RAB5A: variants seen among roughly 807,000 people sequenced by gnomAD.
RAB5A encodes the protein RAB5A, member RAS oncogene family, also known as ras-related protein Rab-5A.
RAB5A carries 8 observed loss-of-function variants against 25.7 expected under a neutral mutation model. The ratio of observed to expected loss-of-function variants is 0.31; its 90% CI spans 0.18 to 0.56. The LOEUF (loss-of-function observed/expected upper bound fraction) is 0.56, where lower values mean the gene tolerates loss of function less well. Among genes scored for constraint, RAB5A ranks in the 20% least tolerant of loss-of-function variants. RAB5A has a pLI of 0.91. For synonymous variants in RAB5A, 98 were observed against 89.8 expected (o/e 1.09, Z -0.52); for missense variants, 192 against 259.7 (o/e 0.74, Z 1.79).
At chr3:19,951,704 T>TTTTTTTTTTC (rs1559485077) in intron 2 of RAB5A, among the ~76,000 whole-genome samples, 1 of 143,218 alleles carries the variant, frequency 7.0e-6, no homozygotes. Context: ...CAGGCAAGTT[T>TTTTTTTTTTC]TTTTTTTTTT....
In RAB5A at chr3:19,975,742, T is replaced by C; in HGVS notation, c.305T>C (p.Ile102Thr). 3.7e-6 allele frequency: 6 copies of C among 1,611,290 alleles called. 1 individual carries two copies. The highest frequency in any genetic ancestry group is 5.1e-6 in the Non-Finnish European group (6 of 1,179,054). Residue 102 changes from isoleucine (I) to threonine (T), a missense_variant, in exon 3 of 6, where the codon ATC (isoleucine) becomes ACC (threonine). Coordinates refer to ENST00000273047, the MANE Select transcript of RAB5A (RefSeq NM_004162.5). ...CAAGCAGCCATAGTTGTATATGATA[T>C]CACAAATGAGGTAAGTATGGATGCA... ...GAQAAIVVYD[I>T]TNEESFARAK...
In RAB5A at chr3:19,969,036, TTTTTTTTGG is replaced by T. The variant is rs758599259; in HGVS notation, c.164-6557_164-6549del. Among the ~76,000 whole-genome samples, 405 of 74,340 alleles carry T rather than the reference TTTTTTTTGG, an allele frequency of 5.4e-3. 8 individuals are homozygous for T. Among genetic ancestry groups the T allele is most frequent in the African/African-American group, 0.033 (318 of 9,630 alleles). 48.8% of individuals were successfully genotyped at this position (74,340 alleles called of 152,430 possible). On this transcript the variant is annotated intron_variant, in intron 2 of 5. Transcript: ENST00000273047. ...ATTGGTGTTTTTTGGTTTTGGTTTTTTTTTTTTGGTTTTTTTTTTTTTTTTGAGATGGAG... is the reference window on the plus strand; with the variant it reads ...ATTGGTGTTTTTTGGTTTTGGTTTTTTTTTTTTTTTTTTTTTGAGATGGAG...
At chr3:19,971,485 T>G (rs1291479772) in intron 2 of RAB5A, among the ~76,000 whole-genome samples, 1 of 151,998 alleles carries the variant, frequency 6.6e-6, no homozygotes, top group Admixed American at 6.6e-5. Flanking sequence ...GTGGTTGTTG[T>G]TTTGAGACAG....
At chr3:19,955,315 G>T (rs6790199) in intron 2 of RAB5A, among the ~76,000 whole-genome samples, 9,704 of 152,092 alleles carry the variant, frequency 0.064, 1,031 homozygotes, top group East Asian at 0.51. Flanking sequence ...CATTCCTCTT[G>T]CTGGTTCTGT....
At chr3:19,957,186 C>T (rs1022267842) in intron 2 of RAB5A, among the ~76,000 whole-genome samples, 4 of 151,862 alleles carry the variant, frequency 2.6e-5, no homozygotes, top group African/African-American at 9.7e-5. Context: ...ACCTCAGCCT[C>T]CCAAGGTGCT....
intron 2 of RAB5A, among the ~76,000 whole-genome samples, chr3:19,954,160 C>G (rs1053033122): frequency 8.4e-4 from 127 of 152,000 alleles, no homozygotes; most frequent in African/African-American, 3.0e-3. Context: ...GATTACAGGC[C>G]CACACCACCA....
chr3:19,984,033 A>G lies in RAB5A; in HGVS notation c.*210A>G, dbSNP rs1696984336. 7.9e-6 allele frequency: 4 copies of G among 509,018 alleles called. No individual in the cohort carries two copies. The highest frequency in any genetic ancestry group is 1.4e-5 in the Non-Finnish European group (4 of 277,772). The allele number at this position is 509,018 out of a possible 1,614,324, so 31.5% of individuals were successfully genotyped here. ...TCACTAATGTTTCAACAATAGGGAA[A>G]AATGAGAACTATGTGGACACTTGTT... On this transcript the variant is annotated 3_prime_UTR_variant, in exon 6 of 6. Transcript: ENST00000273047.
At chr3:19,949,401 T>G (rs555651964) in intron 1 of RAB5A, among the ~76,000 whole-genome samples, 60 of 152,312 alleles carry the variant, frequency 3.9e-4, no homozygotes, top group African/African-American at 1.3e-3. Flanking sequence ...GTTTTTAATA[T>G]AGAGACAGGG....
rs77206848 is a variant in RAB5A at position 19,950,100 on chromosome 3, A to G, written c.-93-706A>G. On this transcript the variant is annotated intron_variant, in intron 1 of 5. Transcript: ENST00000273047. ...GTCTAAAGACTACAAAAAAGTTACAATTATTGTAAGTAAATAAGTCAGTAA... is the reference window on the plus strand; with the variant it reads ...GTCTAAAGACTACAAAAAAGTTACAGTTATTGTAAGTAAATAAGTCAGTAA... Among the ~76,000 whole-genome samples the G allele has an allele frequency of 6.7e-3, 1,024 of 152,314 alleles. 11 individuals are homozygous for G. Among genetic ancestry groups the G allele is most frequent in the African/African-American group, 0.022 (935 of 41,564 alleles).
intron 1 of RAB5A, among the ~76,000 whole-genome samples, chr3:19,948,438 C>G (rs1286109043): frequency 6.6e-6 from 1 of 152,188 alleles, no homozygotes; most frequent in Non-Finnish European, 1.5e-5. Context: ...CAGTGCCTGG[C>G]ACAAAATAAG....
intron 2 of RAB5A, among the ~76,000 whole-genome samples, chr3:19,955,587 T>C (rs978020385): frequency 1.3e-5 from 2 of 152,066 alleles, no homozygotes; most frequent in African/African-American, 4.8e-5. Context: ...GGTGTGGTGT[T>C]TGTCAGATTT....
chr3:19,970,967 C>T (rs184478971), intron 2 of RAB5A, among the ~76,000 whole-genome samples: 9 of 152,028 alleles, frequency 5.9e-5, no homozygotes, highest in African/African-American at 1.9e-4. Flanking sequence ...GAGGCCAAGG[C>T]GGATGGATCA....
chr3:19,965,343 G>A (rs953966534), intron 2 of RAB5A, among the ~76,000 whole-genome samples: 4 of 151,964 alleles, frequency 2.6e-5, no homozygotes, highest in African/African-American at 9.7e-5. Context: ...GATTGCTTGA[G>A]GCCAGGAGTT....
intron 4 of RAB5A, among the ~76,000 whole-genome samples, chr3:19,977,978 G>A (rs17181862): frequency 0.17 from 25,706 of 152,114 alleles, 2,103 homozygotes; most frequent in South Asian, 0.21. Context: ...AAAAATTGCC[G>A]TTGAGATCAA....
chr3:19,971,622 C>T (rs1281195576), intron 2 of RAB5A, among the ~76,000 whole-genome samples: 1 of 152,094 alleles, frequency 6.6e-6, no homozygotes, highest in Non-Finnish European at 1.5e-5. Context: ...CAGGCATGCA[C>T]CACCATGCCT....
chr3:19,973,484 G>A (rs1696780840), intron 2 of RAB5A, among the ~76,000 whole-genome samples: 1 of 151,500 alleles, frequency 6.6e-6, no homozygotes, highest in Non-Finnish European at 1.5e-5. Flanking sequence ...ACTGTCTTAG[G>A]GACTTAATTT....
chr3:19,947,926 A>T (rs1335696227), intron 1 of RAB5A: 1 of 152,284 alleles, frequency 6.6e-6, no homozygotes, highest in Non-Finnish European at 1.5e-5. Context: ...TATCCAGGCG[A>T]TCTGTAGTTG....
chr3:19,948,982 C>T (rs966886130), intron 1 of RAB5A, among the ~76,000 whole-genome samples: 4 of 152,080 alleles, frequency 2.6e-5, no homozygotes, highest in African/African-American at 9.7e-5. Flanking sequence ...CAATTTCAAT[C>T]CCTACTATGT....
At chr3:19,966,814 G>A (rs1195405568) in intron 2 of RAB5A, among the ~76,000 whole-genome samples, 1 of 151,794 alleles carries the variant, frequency 6.6e-6, no homozygotes, top group African/African-American at 2.4e-5. Context: ...TATTTGTTTC[G>A]GTTTTTTTGA....
Sources: gnomAD v4.1 joint callset for allele counts (sites outside exome capture counted in the v4.1 genomes callset) on GRCh38, gnomAD v4.1.1 for gene constraint, MANE v1.5 for transcripts, NCBI Gene and HGNC (gene_info 2026-07-23, HGNC 2026-07-21) for gene names.